TIAM1: variants seen among roughly 807,000 people sequenced by gnomAD.
TIAM1 encodes rho guanine nucleotide exchange factor TIAM1.
In TIAM1, 65 loss-of-function variants were observed where a neutral mutation model predicts 163.5. That is an observed-to-expected ratio of 0.40 (90% CI 0.33 to 0.49). The LOEUF is 0.49. Among genes scored for constraint, TIAM1 ranks in the 20% least tolerant of loss-of-function variants. The probability of loss-of-function intolerance (pLI) is 0.77; values close to 1 mark genes in which losing one functional copy is unlikely to be tolerated. For synonymous variants in TIAM1, 833 were observed against 810.1 expected, an observed-to-expected ratio of 1.03 and a Z score of -0.48; for missense variants, 1,789 against 2,044.7, an observed-to-expected ratio of 0.87 and a Z score of 2.41.
intron 2 of TIAM1, among the ~76,000 whole-genome samples, chr21:31,319,729 G>A (rs992287835): frequency 6.9e-6 from 1 of 144,338 alleles, no homozygotes. Flanking sequence ...GCAGTGAGCC[G>A]AGATCGCACC....
intron 2 of TIAM1, among the ~76,000 whole-genome samples, chr21:31,296,830 A>T (rs952327330): frequency 2.6e-5 from 4 of 152,036 alleles, no homozygotes. Flanking sequence ...CGCCCAGCTA[A>T]TTTTTTGTAT....
At chr21:31,337,690 C>G (rs901125908) in intron 2 of TIAM1, among the ~76,000 whole-genome samples, 2 of 151,878 alleles carry the variant, frequency 1.3e-5, no homozygotes, top group African/African-American at 4.8e-5. Flanking sequence ...TGCCACCACA[C>G]CGGGCTAATT....
rs7283292 is a variant in TIAM1, at chr21:31,401,866, G to A, written c.-369+62117C>T. ...TTCGAGGTTGCAGTTAGCTAGAACC[G>A]CACTACTGCCCTCCAGCCTGGGAAA... On this transcript the variant is annotated intron_variant, in intron 2 of 28. Coordinates refer to the TIAM1 transcript ENST00000286827. Among the ~76,000 whole-genome samples the A allele has an allele frequency of 1.9e-4, 29 of 150,954 alleles. No homozygotes were observed. The East Asian group carries it at 3.3e-3, about 17-fold the overall frequency.
chr21:31,389,509 T>C (rs1301732494), intron 2 of TIAM1, among the ~76,000 whole-genome samples: 1 of 152,206 alleles, frequency 6.6e-6, no homozygotes, highest in African/African-American at 2.4e-5. Flanking sequence ...GCCCCCAGGC[T>C]TCCCAACCAT....
chr21:31,462,178 A>G (rs73360936), intron 2 of TIAM1, among the ~76,000 whole-genome samples: 1 of 152,362 alleles, frequency 6.6e-6, no homozygotes, highest in African/African-American at 2.4e-5. Flanking sequence ...TTTATAGGCC[A>G]TATTTCACAA....
chr21:31,309,892 A>C (rs1217295117), intron 2 of TIAM1, among the ~76,000 whole-genome samples: 1 of 152,198 alleles, frequency 6.6e-6, no homozygotes, highest in Non-Finnish European at 1.5e-5. Flanking sequence ...AAAAGTAAAA[A>C]ACCCAAATCC....
intron 2 of TIAM1, chr21:31,453,107 C>T (rs925691895): frequency 1.5e-5 from 5 of 330,048 alleles, no homozygotes; most frequent in East Asian, 7.8e-5. Context: ...AAGGAGGAAC[C>T]GAGACAGTGA....
At chr21:31,517,779 A>G (rs1486668055) in intron 1 of TIAM1, among the ~76,000 whole-genome samples, 2 of 152,222 alleles carry the variant, frequency 1.3e-5, no homozygotes, top group Non-Finnish European at 2.9e-5. Flanking sequence ...TTCTTGTACC[A>G]GGAGGAAGGA....
chr21:31,161,401 C>T (rs999310246), intron 16 of TIAM1, among the ~76,000 whole-genome samples: 1 of 152,122 alleles, frequency 6.6e-6, no homozygotes, highest in Non-Finnish European at 1.5e-5. Context: ...AGAGAGGAGG[C>T]GGCTCAGAAA....
chr21:31,463,468 T>A (rs539523862), intron 2 of TIAM1, among the ~76,000 whole-genome samples: 2 of 152,100 alleles, frequency 1.3e-5, no homozygotes. Context: ...CACCTCCTAA[T>A]TGGTCTCCCT....
chr21:31,359,751 T>G (rs2147132329), intron 2 of TIAM1, among the ~76,000 whole-genome samples: 1 of 147,706 alleles, frequency 6.8e-6, no homozygotes, highest in South Asian at 2.1e-4. Flanking sequence ...ATCACACCAT[T>G]GCACACCACC....
At chr21:31,461,814 C>T (rs2045339144) in intron 2 of TIAM1, among the ~76,000 whole-genome samples, 1 of 152,006 alleles carries the variant, frequency 6.6e-6, no homozygotes, top group Non-Finnish European at 1.5e-5. Context: ...CACAGGCATG[C>T]GCTACTATGC....
intron 1 of TIAM1, among the ~76,000 whole-genome samples, chr21:31,553,601 T>C (rs940740479): frequency 6.6e-6 from 1 of 152,024 alleles, no homozygotes; most frequent in Non-Finnish European, 1.5e-5. Context: ...CCAGCCCAGG[T>C]GATGGCCAAA....
intron 2 of TIAM1, among the ~76,000 whole-genome samples, chr21:31,358,747 A>G (rs550588440): frequency 1.3e-5 from 2 of 152,134 alleles, no homozygotes; most frequent in East Asian, 3.9e-4. Context: ...ATTACGACAA[A>G]ACCTCTGAAC....
chr21:31,353,363 G>A (rs1263480616), intron 2 of TIAM1, among the ~76,000 whole-genome samples: 1 of 152,144 alleles, frequency 6.6e-6, no homozygotes, highest in Non-Finnish European at 1.5e-5. Flanking sequence ...TGAGAATTGC[G>A]GGTCAGCCAG....
intron 1 of TIAM1, among the ~76,000 whole-genome samples, chr21:31,539,571 G>T (rs1462084784): frequency 1.3e-5 from 2 of 152,024 alleles, no homozygotes; most frequent in Non-Finnish European, 2.9e-5. Flanking sequence ...GGCCGGAATG[G>T]GCTAGTTATT....
intron 12 of TIAM1, among the ~76,000 whole-genome samples, chr21:31,195,829 G>C (rs2085823833): frequency 6.6e-6 from 1 of 151,986 alleles, no homozygotes; most frequent in Non-Finnish European, 1.5e-5. Context: ...GAAAACTGAA[G>C]TACACAAATT....
At position 31,124,671 on chromosome 21, in the gene TIAM1, A is replaced by C. The variant is rs773603744; in HGVS notation, c.4157T>G (p.Phe1386Cys). 3.1e-6 allele frequency: 5 copies of C among 1,595,232 alleles called. No individual in the cohort carries two copies. The highest frequency in any genetic ancestry group is 4.3e-6 in the Non-Finnish European group (5 of 1,170,296). The change falls in exon 27 of 28, where the codon TTC becomes TGC. Residue 1386 changes from phenylalanine (F) to cysteine (C), a missense_variant. Physicochemically the swap from Phe to Cys is radical, Grantham distance 205. Around this residue, in one of 5 missense-constraint regions of TIAM1, gnomAD observed 415 missense variants for 439.2 expected, o/e 0.94. Transcript: ENST00000541036. ...CCSSPESRKD[F>C]LKAVHSILRD... ...CAGGATTGAATGCACAGCCTTTAGG[A>C]AATCCTTTCGGCTCTCTGGGGAGCT...
In TIAM1 at chr21:31,156,809, C is replaced by A. The variant is rs1333764638; in HGVS notation, c.2992-2383G>T. Among the ~76,000 whole-genome samples, 3 of 152,160 alleles carry A rather than the reference C, an allele frequency of 2.0e-5. No homozygotes were observed. In the East Asian group the frequency reaches 5.8e-4, roughly 29 times the overall value. On this transcript the variant is annotated intron_variant, in intron 16 of 27. Coordinates refer to ENST00000541036, the MANE Select transcript of TIAM1 (RefSeq NM_001353694.2). ...TAACTGTGCCCTGTCCCTGTCTTAT[C>A]CCAAACTCTCCTTGGTTGCTTTGAT...
Sources: gnomAD v4.1 joint callset for allele counts (sites outside exome capture counted in the v4.1 genomes callset) on GRCh38, gnomAD v4.1.1 for gene constraint, gnomAD v4.1.1 regional missense constraint, MANE v1.5 for transcripts, NCBI Gene and HGNC (gene_info 2026-07-23, HGNC 2026-07-21) for gene names.